RGS7: variants seen among roughly 807,000 people sequenced by gnomAD.
The protein encoded by RGS7 is regulator of G protein signaling 7.
A neutral mutation model predicts 81.1 loss-of-function variants in RGS7; 27 were observed. The observed-to-expected ratio is 0.33, with a 90% CI of 0.25 to 0.46. The LOEUF (loss-of-function observed/expected upper bound fraction) is 0.46. Among genes scored for constraint, RGS7 ranks in the 20% least tolerant of loss-of-function variants. RGS7 has a pLI of 1.00. For missense variants in RGS7, 396 were observed against 607.4 expected, an observed-to-expected ratio of 0.65 and a Z score of 3.66; for synonymous variants, 208 against 207.7, an observed-to-expected ratio of 1.00 and a Z score of -0.01.
At chr1:241,256,493 T>C (rs763407516) in intron 2 of RGS7, among the ~76,000 whole-genome samples, 1 of 152,194 alleles carries the variant, frequency 6.6e-6, no homozygotes, top group Non-Finnish European at 1.5e-5. Context: ...TTACAATTTC[T>C]TCAAGCAACT....
At chr1:240,780,814 C>T (rs752842311) in intron 18 of RGS7, among the ~76,000 whole-genome samples, 5 of 149,216 alleles carry the variant, frequency 3.4e-5, no homozygotes, top group Admixed American at 6.8e-5. Flanking sequence ...CTAAGGAGGC[C>T]GAGGCAGGAG....
At chr1:240,882,903 T>C (rs1666654329) in intron 6 of RGS7, among the ~76,000 whole-genome samples, 1 of 152,162 alleles carries the variant, frequency 6.6e-6, no homozygotes, top group African/African-American at 2.4e-5. Context: ...GTTTTAAATA[T>C]AACAATGTCA....
intron 3 of RGS7, among the ~76,000 whole-genome samples, chr1:241,047,147 A>G (rs1002486340): frequency 6.6e-6 from 1 of 152,174 alleles, no homozygotes; most frequent in Non-Finnish European, 1.5e-5. Context: ...TATATAGACA[A>G]CCAGTTGCTT....
At chr1:241,194,890 C>T (rs753783403) in intron 2 of RGS7, among the ~76,000 whole-genome samples, 10 of 152,092 alleles carry the variant, frequency 6.6e-5, no homozygotes, top group Non-Finnish European at 1.5e-4. Context: ...TTAGTGCCTT[C>T]CAGGAATGAA....
At chr1:241,116,678 T>C (rs917285564) in intron 2 of RGS7, among the ~76,000 whole-genome samples, 2 of 152,220 alleles carry the variant, frequency 1.3e-5, no homozygotes, top group African/African-American at 4.8e-5. Flanking sequence ...CATATAATAA[T>C]TGTACATAGT....
chr1:241,014,868 G>A (rs201247373), intron 3 of RGS7, among the ~76,000 whole-genome samples: 8 of 152,242 alleles, frequency 5.3e-5, no homozygotes, highest in African/African-American at 1.9e-4. Flanking sequence ...GTTGGTTTCC[G>A]TCAGACTGAG....
chr1:241,348,993 T>C (rs550695754), intron 2 of RGS7, among the ~76,000 whole-genome samples: 13 of 101,422 alleles, frequency 1.3e-4, no homozygotes, highest in South Asian at 4.4e-4. Flanking sequence ...TGTTGAAGAA[T>C]AGTAATAAGA....
At chr1:241,060,949 G>C (rs1463901803) in intron 3 of RGS7, among the ~76,000 whole-genome samples, 2 of 152,340 alleles carry the variant, frequency 1.3e-5, no homozygotes, top group African/African-American at 2.4e-5. Flanking sequence ...TCTCTGGATG[G>C]AAACTCTCCT....
chr1:241,184,920 A>C (rs2103332285), intron 2 of RGS7, among the ~76,000 whole-genome samples: 1 of 152,340 alleles, frequency 6.6e-6, no homozygotes, highest in East Asian at 1.9e-4. Flanking sequence ...AGTTCATAGA[A>C]GTTTGACTGA....
intron 3 of RGS7, among the ~76,000 whole-genome samples, chr1:240,996,946 A>C (rs1484939223): frequency 6.6e-6 from 1 of 151,194 alleles, no homozygotes; most frequent in African/African-American, 2.4e-5. Context: ...CAATTTTCTA[A>C]GTTTGTTTGT....
chr1:240,846,781 GCTAT>G (rs928840098), intron 9 of RGS7, among the ~76,000 whole-genome samples: 5 of 152,140 alleles, frequency 3.3e-5, no homozygotes, highest in African/African-American at 1.2e-4. Flanking sequence ...TTGACATGGG[GCTAT>G]CTTTCTATTT....
chr1:241,260,332 C>G (rs1389818169), intron 2 of RGS7, among the ~76,000 whole-genome samples: 1 of 152,202 alleles, frequency 6.6e-6, no homozygotes, highest in African/African-American at 2.4e-5. Context: ...ACAGTCAAGG[C>G]AGCCCTAAAT....
At chr1:241,030,373 T>TATATATATATATATATATACACAC (rs374223475) in intron 3 of RGS7, among the ~76,000 whole-genome samples, 1,508 of 135,084 alleles carry the variant, frequency 0.011, 76 homozygotes, top group South Asian at 0.031. Context: ...TATATATATA[T>TATATATATATATATATATACACAC]ACATACACAC....
At chr1:240,864,703 T>C (rs904105665) in intron 9 of RGS7, among the ~76,000 whole-genome samples, 4 of 152,232 alleles carry the variant, frequency 2.6e-5, no homozygotes, top group Non-Finnish European at 5.9e-5. Context: ...ATTAACACCA[T>C]GGTGACCACA....
intron 3 of RGS7, among the ~76,000 whole-genome samples, chr1:241,030,970 A>G (rs1184888410): frequency 6.6e-6 from 1 of 152,220 alleles, no homozygotes; most frequent in African/African-American, 2.4e-5. Flanking sequence ...AACTTCTTTT[A>G]AAAATTATTT....
intron 3 of RGS7, among the ~76,000 whole-genome samples, chr1:241,088,880 A>G (rs1195119978): frequency 6.6e-5 from 10 of 150,930 alleles, no homozygotes; most frequent in Non-Finnish European, 1.3e-4. Context: ...GCGTGGTGGC[A>G]GGTGCCTGTA....
intron 2 of RGS7, among the ~76,000 whole-genome samples, chr1:241,165,223 T>C (rs1295630144): frequency 1.3e-5 from 2 of 152,224 alleles, no homozygotes; most frequent in African/African-American, 2.4e-5. Flanking sequence ...CATATGCATT[T>C]CTTAAACTAC....
chr1:240,821,418 C>T (rs1691787898), intron 10 of RGS7, among the ~76,000 whole-genome samples: 1 of 152,172 alleles, frequency 6.6e-6, no homozygotes, highest in Non-Finnish European at 1.5e-5. Flanking sequence ...CGCCACTGCA[C>T]CCCAGCCTGG....
chr1:241,156,179 C>G (rs1336422851), intron 2 of RGS7, among the ~76,000 whole-genome samples: 53 of 143,190 alleles, frequency 3.7e-4, no homozygotes, highest in African/African-American at 1.5e-3. Context: ...GATACATATA[C>G]ATAGACAGAC....
Sources: gnomAD v4.1 joint callset for allele counts (sites outside exome capture counted in the v4.1 genomes callset) on GRCh38, gnomAD v4.1.1 for gene constraint, MANE v1.5 for transcripts, NCBI Gene and HGNC (gene_info 2026-07-23, HGNC 2026-07-21) for gene names.